PAG1: variants seen among roughly 807,000 people sequenced by gnomAD.
The protein encoded by PAG1 is phosphoprotein membrane anchor with glycosphingolipid microdomains 1.
In PAG1, 23 loss-of-function variants were observed where a neutral mutation model predicts 31.7. That is an observed-to-expected ratio of 0.73 (90% CI 0.52 to 1.03). The LOEUF (loss-of-function observed/expected upper bound fraction) is 1.03. PAG1 is among the 50% of genes least tolerant of loss of function. The probability of loss-of-function intolerance (pLI) is 0.00; values close to 1 mark genes in which losing one functional copy is unlikely to be tolerated. For missense variants in PAG1, 473 were observed against 540.7 expected (o/e 0.87, Z 1.24); for synonymous variants, 214 against 210.3 (o/e 1.02, Z -0.15).
chr8:81,034,886 C>T (rs964741192), intron 2 of PAG1, among the ~76,000 whole-genome samples: 4 of 152,160 alleles, frequency 2.6e-5, no homozygotes, highest in Admixed American at 6.5e-5. Flanking sequence ...GAGAAGGGAG[C>T]GGGTCCCTGG....
chr8:81,107,834 C>A (rs549238803), intron 1 of PAG1, among the ~76,000 whole-genome samples: 1 of 152,196 alleles, frequency 6.6e-6, no homozygotes, highest in Non-Finnish European at 1.5e-5. Flanking sequence ...GAACTGCTTG[C>A]GTGTATAACT....
intron 7 of PAG1, among the ~76,000 whole-genome samples, chr8:80,983,562 G>T (rs999451): frequency 0.18 from 26,852 of 152,116 alleles, 3,622 homozygotes; most frequent in African/African-American, 0.38. Context: ...TAAAATTAGG[G>T]TTGTTTATAT....
In PAG1 at chr8:81,033,340, G is replaced by A. The variant is rs150267456; in HGVS notation, c.-174-3251C>T. On this transcript the variant is annotated intron_variant, in intron 2 of 8. Transcript: ENST00000220597. ...ACTGGGACAACTTGAGTATAATTCT[G>A]ATAGACCAAACACTTCTTCAGGTCT... 1.8e-3 allele frequency among the ~76,000 whole-genome samples: 275 copies of A among 152,262 alleles called. 1 individual carries two copies. The highest frequency in any genetic ancestry group is 6.2e-3 in the African/African-American group (256 of 41,556).
chr8:81,009,601 T>C (rs1207307905), intron 3 of PAG1, among the ~76,000 whole-genome samples: 1 of 152,154 alleles, frequency 6.6e-6, no homozygotes, highest in Non-Finnish European at 1.5e-5. Flanking sequence ...CCAGTGGTTT[T>C]CAACCCTGGC....
chr8:81,050,811 A>T (rs1808716304), intron 2 of PAG1, among the ~76,000 whole-genome samples: 1 of 152,202 alleles, frequency 6.6e-6, no homozygotes, highest in Non-Finnish European at 1.5e-5. Flanking sequence ...GCATCCTCAC[A>T]TTCCTGCTGC....
rs1807272776 is a variant in PAG1, at chr8:80,980,322, C to T, written c.936+113G>A. Reference sequence around the variant, plus strand: ...CCAAGTCTTCATCTCCAAACATAGGCATAGGAGAATATTTCAGCTCTTTCA... The same window carrying T: ...CCAAGTCTTCATCTCCAAACATAGGTATAGGAGAATATTTCAGCTCTTTCA... On this transcript the variant is annotated intron_variant, in intron 8 of 8. Transcript: ENST00000220597. 4.5e-6 allele frequency: 3 copies of T among 661,838 alleles called. No individual in the cohort carries two copies. The Admixed American group carries it at 7.4e-5, about 16-fold the overall frequency. The allele number at this position is 661,838 out of a possible 1,614,324, so 41.0% of individuals were successfully genotyped here.
At chr8:81,014,235 G>T (rs548274030) in intron 3 of PAG1, among the ~76,000 whole-genome samples, 19 of 152,116 alleles carry the variant, frequency 1.2e-4, no homozygotes, top group Non-Finnish European at 1.9e-4. Context: ...TGCTTTCCTT[G>T]CCAACACAAA....
chr8:81,033,934 T>C (rs773160846), intron 2 of PAG1, among the ~76,000 whole-genome samples: 28 of 152,044 alleles, frequency 1.8e-4, no homozygotes, highest in Non-Finnish European at 1.5e-5. Context: ...GGGGAAGGAG[T>C]AATGATGTTG....
chr8:81,051,958 G>A (rs1330721378), intron 2 of PAG1, among the ~76,000 whole-genome samples: 5 of 151,612 alleles, frequency 3.3e-5, no homozygotes, highest in Non-Finnish European at 5.9e-5. Flanking sequence ...GTGAAACCCC[G>A]TCTCTACTAA....
intron 3 of PAG1, among the ~76,000 whole-genome samples, chr8:80,999,974 C>T (rs1408090054): frequency 6.6e-6 from 1 of 152,148 alleles, no homozygotes; most frequent in Non-Finnish European, 1.5e-5. Context: ...ATCACATGCA[C>T]TCTGACAGAA....
intron 3 of PAG1, among the ~76,000 whole-genome samples, chr8:81,004,472 T>C (rs770900262): frequency 1.3e-5 from 2 of 152,228 alleles, no homozygotes; most frequent in South Asian, 2.1e-4. Context: ...ATACCTACTA[T>C]GTGCCAGGCA....
At chr8:81,081,072 C>T (rs1809258064) in intron 1 of PAG1, among the ~76,000 whole-genome samples, 1 of 152,142 alleles carries the variant, frequency 6.6e-6, no homozygotes, top group Non-Finnish European at 1.5e-5. Context: ...ATCATTCCAC[C>T]TCCCTGCGTC....
At position 81,107,322 on chromosome 8, in the gene PAG1, G is replaced by A. The variant is rs193181635; in HGVS notation, c.-234+4269C>T. On this transcript the variant is annotated intron_variant, in intron 1 of 8. Transcript: ENST00000220597. ...GTCTTCCCACCATTCCTTCACCTGG[G>A]GACCAAGCAAGATAGTATAGGATTC... Among the ~76,000 whole-genome samples, 156 of 152,134 alleles carry A rather than the reference G, an allele frequency of 1.0e-3. 2 individuals are homozygous for A. Among genetic ancestry groups the A allele is most frequent in the Non-Finnish European group, 4.3e-4 (29 of 67,994 alleles).
chr8:81,012,940 C>A (rs1289423467), intron 3 of PAG1, among the ~76,000 whole-genome samples: 1 of 152,170 alleles, frequency 6.6e-6, no homozygotes, highest in Admixed American at 6.5e-5. Flanking sequence ...TCACTTAAAT[C>A]ATCAAATAGC....
intron 2 of PAG1, among the ~76,000 whole-genome samples, chr8:81,030,456 G>C (rs1261957436): frequency 2.0e-5 from 3 of 152,114 alleles, no homozygotes; most frequent in Non-Finnish European, 4.4e-5. Context: ...TCAAATAACT[G>C]TTTTCTGAAT....
intron 2 of PAG1, among the ~76,000 whole-genome samples, chr8:81,044,904 C>T (rs770175267): frequency 5.3e-5 from 8 of 152,172 alleles, no homozygotes; most frequent in Non-Finnish European, 1.2e-4. Context: ...CTGTTTCTGG[C>T]ACCCCCCTCC....
rs147233654 is a variant in PAG1 at position 81,102,274 on chromosome 8, G to C, written c.-234+9317C>G. On this transcript the variant is annotated intron_variant, in intron 1 of 8. Transcript: ENST00000220597. ...GCTACTACAATGCACCATGTGTAGT[G>C]ATAATTCAGAACTAAGATAGCTGCC... Among the ~76,000 whole-genome samples, 26 of 152,186 alleles carry C rather than the reference G, an allele frequency of 1.7e-4. No individual in the cohort carries two copies. In the East Asian group the frequency reaches 5.0e-3, roughly 29 times the overall value.
rs756974038 is a variant in PAG1, at chr8:80,983,532, CT to C, written c.876+1243del. Among the ~76,000 whole-genome samples the C allele has an allele frequency of 6.6e-5, 10 of 152,146 alleles. No homozygotes were observed. In the East Asian group the frequency reaches 1.5e-3, roughly 23 times the overall value. ...TAAATAAATGAATGAATATTAAATA[CT>C]TCAAACCCTCAACTCACTTAAAATT... On this transcript the variant is annotated intron_variant, in intron 7 of 8. Transcript: ENST00000220597.
intron 2 of PAG1, among the ~76,000 whole-genome samples, chr8:81,056,397 G>T (rs1808823380): frequency 6.6e-6 from 1 of 152,118 alleles, no homozygotes; most frequent in Non-Finnish European, 1.5e-5. Context: ...ACAGAACGGA[G>T]CCCTCAGAAA....
Sources: gnomAD v4.1 joint callset for allele counts (sites outside exome capture counted in the v4.1 genomes callset) on GRCh38, gnomAD v4.1.1 for gene constraint, MANE v1.5 for transcripts, NCBI Gene and HGNC (gene_info 2026-07-23, HGNC 2026-07-21) for gene names.